SYT13: variants seen among roughly 807,000 people sequenced by gnomAD.
SYT13 encodes the protein synaptotagmin-13.
A neutral mutation model predicts 38.6 loss-of-function variants in SYT13; 21 were observed. That is an observed-to-expected ratio of 0.54 (90% CI 0.39 to 0.78). The LOEUF (loss-of-function observed/expected upper bound fraction) is 0.78. SYT13 is among the 30% of genes least tolerant of loss of function. The pLI is 0.00. For missense variants in SYT13, 495 were observed against 548.7 expected (o/e 0.90, Z 0.98); for synonymous variants, 241 against 237.6 (o/e 1.01, Z -0.13).
chr11:45,285,300 G>A (rs760131449), intron 1 of SYT13, among the ~76,000 whole-genome samples: 19 of 152,220 alleles, frequency 1.2e-4, no homozygotes, highest in Non-Finnish European at 2.1e-4. Context: ...AAGGGGCTCT[G>A]GCCATGAGCA....
At chr11:45,273,204 C>T (rs1356070137) in intron 1 of SYT13, among the ~76,000 whole-genome samples, 1 of 152,174 alleles carries the variant, frequency 6.6e-6, no homozygotes, top group Non-Finnish European at 1.5e-5. Flanking sequence ...ATCCCTAGGC[C>T]TGAAGGGGCA....
Position 45,243,953 on chromosome 11 carries a change from C to A in SYT13, c.*99G>T. The A allele has an allele frequency of 2.3e-6, 3 of 1,292,806 alleles. No homozygotes were observed. The highest frequency in any genetic ancestry group is 2.8e-5 in the South Asian group (2 of 70,582). 80.1% of individuals were successfully genotyped at this position (1,292,806 alleles called of 1,614,324 possible). A position where few individuals can be genotyped will look rare whatever the true frequency, so the allele number is the denominator to read the frequency against. Reference sequence around the variant, plus strand: ...ATCCCAGCCTTGCAAACACATCTGTCACTGTCTTCTGGGTGTCAGAATGAG... The same window carrying A: ...ATCCCAGCCTTGCAAACACATCTGTAACTGTCTTCTGGGTGTCAGAATGAG... On this transcript the variant is annotated 3_prime_UTR_variant, in exon 6 of 6. Transcript: ENST00000020926.
chr11:45,254,390 C>A lies in SYT13; in HGVS notation c.424G>T (p.Val142Phe). 6.2e-7 allele frequency: 1 copy of A among 1,613,134 alleles called. No homozygotes were observed. The highest frequency in any genetic ancestry group is 1.1e-5 in the South Asian group (1 of 90,766). ...GGGTTCCAGGTCTCCATGACACAGA[C>A]ATCCTCCACCACACCTGTTAAGAAA... ...ILPQNGVVED[V>F]CVMETWNPEK... is the part of the protein sequence containing the mutation. The change falls in exon 3 of 6, where the codon GTC becomes TTC. Residue 142 changes from valine to phenylalanine, a missense_variant. Val to Phe is a conservative substitution (Grantham distance 50). Coordinates refer to ENST00000020926, the MANE Select transcript of SYT13 (RefSeq NM_020826.3).
At chr11:45,264,266 G>T (rs1473452827) in intron 1 of SYT13, among the ~76,000 whole-genome samples, 1 of 152,118 alleles carries the variant, frequency 6.6e-6, no homozygotes, top group East Asian at 1.9e-4. Flanking sequence ...CCGTCCCTTG[G>T]TGTCCACGCC....
chr11:45,252,210 A>T lies in SYT13; in HGVS notation c.846+211T>A, dbSNP rs963849487. On this transcript the variant is annotated intron_variant, in intron 4 of 5. Coordinates refer to ENST00000020926, the MANE Select transcript of SYT13 (RefSeq NM_020826.3). The surrounding 1 kb of genome is among the most constrained non-coding windows in gnomAD (Gnocchi z 4.3). ...CTTTGCATGGCAAGTTAGAGCCAAG[A>T]CTAGGAGCAGACACTAGGAATCCCA... Among the ~76,000 whole-genome samples, 12 of 152,178 alleles carry T rather than the reference A, an allele frequency of 7.9e-5. No individual in the cohort carries two copies. Among genetic ancestry groups the T allele is most frequent in the Non-Finnish European group, 1.8e-4 (12 of 68,024 alleles).
rs879315055 is a variant in SYT13 at position 45,280,237 on chromosome 11, G to C, written c.183+5788C>G. Among the ~76,000 whole-genome samples, 14 of 152,160 alleles carry C rather than the reference G, an allele frequency of 9.2e-5. No individual in the cohort carries two copies. The East Asian group carries it at 9.6e-4, about 10-fold the overall frequency. On this transcript the variant is annotated intron_variant, in intron 1 of 5. Coordinates refer to ENST00000020926, the MANE Select transcript of SYT13 (RefSeq NM_020826.3). Reference sequence around the variant, plus strand: ...GACTAAGGAAGAGGAGAAGAGGTAGGAGGCCTAATAGGACCACACTGATGG... The same window carrying C: ...GACTAAGGAAGAGGAGAAGAGGTAGCAGGCCTAATAGGACCACACTGATGG...
At chr11:45,257,670 G>A (rs539788825) in intron 1 of SYT13, among the ~76,000 whole-genome samples, 6 of 152,186 alleles carry the variant, frequency 3.9e-5, no homozygotes, top group Non-Finnish European at 8.8e-5. Flanking sequence ...GATGAATCCT[G>A]GACATTCTGC....
intron 1 of SYT13, among the ~76,000 whole-genome samples, chr11:45,262,010 A>G (rs1443028996): frequency 6.6e-6 from 1 of 152,204 alleles, no homozygotes; most frequent in Non-Finnish European, 1.5e-5. Flanking sequence ...CTTTGAAGAT[A>G]TTTACACCCA....
At chr11:45,246,009 C>T (rs1435603954) in intron 5 of SYT13, among the ~76,000 whole-genome samples, 2 of 152,152 alleles carry the variant, frequency 1.3e-5, no homozygotes, top group Non-Finnish European at 2.9e-5. Flanking sequence ...AAGGGCTGGG[C>T]CAAGTTTTCC....
chr11:45,256,652 G>A (rs12362429), intron 1 of SYT13, among the ~76,000 whole-genome samples: 61,613 of 151,990 alleles, frequency 0.41, 14,537 homozygotes, highest in Non-Finnish European at 0.54. Flanking sequence ...AGGCTGGCCT[G>A]TTTGTATTAA....
chr11:45,261,751 A>G lies in SYT13; in HGVS notation c.184-5860T>C, dbSNP rs144347812. The stretch of plus-strand genomic sequence containing the variant: ...GCCAACATGGCAAAACCCCATCTCT[A>G]CCAAAAATACAAAAATCAGCCCGGG... On this transcript the variant is annotated intron_variant, in intron 1 of 5. Coordinates refer to ENST00000020926, the MANE Select transcript of SYT13 (RefSeq NM_020826.3). 2.8e-3 allele frequency among the ~76,000 whole-genome samples: 430 copies of G among 151,802 alleles called. 1 individual carries two copies. Among genetic ancestry groups the G allele is most frequent in the African/African-American group, 0.01 (414 of 41,392 alleles).
chr11:45,272,086 A>C (rs1854956420), intron 1 of SYT13, among the ~76,000 whole-genome samples: 1 of 152,210 alleles, frequency 6.6e-6, no homozygotes, highest in Admixed American at 6.5e-5. Flanking sequence ...TCAGCAAACT[A>C]ACACAAGAAC....
Position 45,282,919 on chromosome 11 carries a change from A to G in SYT13, c.183+3106T>C, listed in dbSNP as rs192854285. Among the ~76,000 whole-genome samples, 121 of 152,304 alleles carry G rather than the reference A, an allele frequency of 7.9e-4. 1 individual carries two copies. Among genetic ancestry groups the G allele is most frequent in the Non-Finnish European group, 1.0e-3 (70 of 68,024 alleles). On this transcript the variant is annotated intron_variant, in intron 1 of 5. Transcript: ENST00000020926. ...CCCTAACAGTTTGAGAGGCTGAGGC[A>G]GGCAAATTGCTTGAACCCAGGAGTT... is the stretch of plus-strand genomic sequence containing the variant.
chr11:45,275,229 C>G (rs1459876815), intron 1 of SYT13, among the ~76,000 whole-genome samples: 1 of 152,170 alleles, frequency 6.6e-6, no homozygotes. Flanking sequence ...TCCTGCTCAA[C>G]TTTCTGTGAC....
intron 1 of SYT13, among the ~76,000 whole-genome samples, chr11:45,262,859 AAACATCTCCATGGG>A (rs1854836355): frequency 6.6e-6 from 1 of 152,144 alleles, no homozygotes; most frequent in Admixed American, 6.5e-5. Context: ...AAAAAACCCC[AAACATCTCCATGGG>A]AGGAACTCGA....
intron 2 of SYT13, chr11:45,254,608 C>A: frequency 1.9e-6 from 1 of 525,602 alleles, no homozygotes; most frequent in Non-Finnish European, 3.2e-6. Context: ...CTGGCTCCCT[C>A]ATCAACCACA....
At chr11:45,285,115 T>C (rs557713724) in intron 1 of SYT13, among the ~76,000 whole-genome samples, 2 of 152,294 alleles carry the variant, frequency 1.3e-5, no homozygotes, top group East Asian at 3.9e-4. Flanking sequence ...CCATCCTTCC[T>C]CAAATCACTC....
intron 1 of SYT13, among the ~76,000 whole-genome samples, chr11:45,266,838 A>T (rs935519031): frequency 6.6e-6 from 1 of 152,224 alleles, no homozygotes; most frequent in Non-Finnish European, 1.5e-5. Context: ...GTCCTAGCAG[A>T]TACTGACAAC....
chr11:45,252,516 G>T lies in SYT13; in HGVS notation c.751C>A (p.Arg251Ser). 2 of 1,614,050 alleles carry T rather than the reference G, an allele frequency of 1.2e-6. No individual in the cohort carries two copies. Among genetic ancestry groups the T allele is most frequent in the Non-Finnish European group, 1.7e-6 (2 of 1,180,028 alleles). ...LTLRTCDRFS[R>S]HSVAGELRLG... ...CGGAGCTCCCCGGCCACGCTGTGAC[G>T]GGAGAAGCGGTCGCAGGTCCTCAAG... Residue 251 changes from arginine to serine, a missense_variant, in exon 4 of 6, where the codon CGT becomes AGT. Transcript: ENST00000020926. The surrounding 1 kb of genome is among the most constrained non-coding windows in gnomAD (Gnocchi z 4.3).
Sources: allele counts gnomAD v4.1 joint callset (sites outside exome capture counted in the v4.1 genomes callset), GRCh38; gene constraint gnomAD v4.1.1; non-coding constraint Gnocchi (gnomAD v3.1); transcripts MANE v1.5; gene names NCBI Gene and HGNC (gene_info 2026-07-23, HGNC 2026-07-21).